Variants in AXIN1 observed in about 807,000 individuals in gnomAD.
The protein encoded by AXIN1 is axin 1.
A neutral mutation model predicts 76.4 loss-of-function variants in AXIN1; 30 were observed. That is an observed-to-expected ratio of 0.39 (90% CI 0.29 to 0.53). The LOEUF is 0.53. Among genes scored for constraint, AXIN1 ranks in the 20% least tolerant of loss-of-function variants. AXIN1 has a pLI of 0.66. For missense variants in AXIN1, 1,140 were observed against 1,198.8 expected (o/e 0.95, Z 0.72); for synonymous variants, 545 against 501.4 (o/e 1.09, Z -1.16).
At chr16:349,821 C>T (rs1394911402) in intron 1 of AXIN1, among the ~76,000 whole-genome samples, 1 of 152,200 alleles carries the variant, frequency 6.6e-6, no homozygotes, top group Non-Finnish European at 1.5e-5. Flanking sequence ...TATTTTGAGA[C>T]AGGGTCTCGC....
rs144248754 is a variant in AXIN1, at chr16:327,103, T to C, written c.879-12420A>G. On this transcript the variant is annotated intron_variant, in intron 2 of 10. Coordinates refer to ENST00000262320, the MANE Select transcript of AXIN1 (RefSeq NM_003502.4). ...CTTGCAGTGAGCCGAGATCGCACCA[T>C]TGCACTCCAACCTGGGCGACAGAGC... is the stretch of plus-strand genomic sequence containing the variant. Among the ~76,000 whole-genome samples the C allele has an allele frequency of 3.4e-3, 516 of 151,446 alleles. 13 individuals are homozygous for C. In the East Asian group the frequency reaches 0.085, roughly 25 times the overall value.
intron 1 of AXIN1, among the ~76,000 whole-genome samples, chr16:348,391 C>T (rs2054075022): frequency 6.6e-6 from 1 of 152,210 alleles, no homozygotes; most frequent in African/African-American, 2.4e-5. Context: ...GGATCTATCC[C>T]CCAGCCACCA....
At chr16:304,092 C>G (rs2052948832) in intron 5 of AXIN1, among the ~76,000 whole-genome samples, 1 of 152,214 alleles carries the variant, frequency 6.6e-6, no homozygotes, top group Non-Finnish European at 1.5e-5. Context: ...GTCTCTGGGC[C>G]TCTGAGGGTG....
At chr16:294,709 T>C (rs1482563112) in intron 7 of AXIN1, among the ~76,000 whole-genome samples, 1 of 127,632 alleles carries the variant, frequency 7.8e-6, no homozygotes, top group Non-Finnish European at 1.6e-5. Flanking sequence ...GCGTTGACAC[T>C]GGCCTGTTGC....
intron 2 of AXIN1, among the ~76,000 whole-genome samples, chr16:325,797 G>A (rs868444367): frequency 2.6e-4 from 40 of 152,136 alleles, no homozygotes; most frequent in African/African-American, 8.2e-4. Flanking sequence ...CGGGGCCTTC[G>A]GAAACACCAA....
chr16:290,168 C>T (rs995482444), intron 9 of AXIN1: 5 of 165,922 alleles, frequency 3.0e-5, no homozygotes, highest in South Asian at 1.6e-4. Context: ...GCCGGGATGA[C>T]GGGCGGGGCC....
intron 2 of AXIN1, among the ~76,000 whole-genome samples, chr16:318,026 T>TGCGTCTGTAGCCCACAGCACACGGC (rs1008547885): frequency 6.6e-6 from 1 of 152,050 alleles, no homozygotes; most frequent in Admixed American, 6.6e-5. Context: ...CGGCACTTGG[T>TGCGTCTGTAGCCCACAGCACACGGC]GCGTCTGTAG....
chr16:338,735 C>G (rs1002423909), intron 2 of AXIN1, among the ~76,000 whole-genome samples: 1 of 152,058 alleles, frequency 6.6e-6, no homozygotes, highest in Admixed American at 6.6e-5. Flanking sequence ...CCAGCCTGGC[C>G]AACATGGCGA....
At chr16:290,767 G>A in intron 9 of AXIN1, 2 of 350,766 alleles carry the variant, frequency 5.7e-6, no homozygotes, top group South Asian at 2.3e-5. Context: ...GCATGGCTGA[G>A]ACCCACACTG....
chr16:342,456 C>A (rs1027862329), intron 2 of AXIN1, among the ~76,000 whole-genome samples: 1 of 152,190 alleles, frequency 6.6e-6, no homozygotes, highest in Non-Finnish European at 1.5e-5. Context: ...AAGCTCCAGG[C>A]CCTGCTGTGG....
At chr16:300,634 G>A (rs2052844106) in intron 5 of AXIN1, among the ~76,000 whole-genome samples, 1 of 152,210 alleles carries the variant, frequency 6.6e-6, no homozygotes, top group Admixed American at 6.5e-5. Context: ...ACCTGCACTG[G>A]GGCTGAGGGT....
At chr16:326,394 T>TATATATATATATATATATATAC (rs144093618) in intron 2 of AXIN1, among the ~76,000 whole-genome samples, 1 of 119,660 alleles carries the variant, frequency 8.4e-6, no homozygotes. Context: ...TATATATATA[T>TATATATATATATATATATATAC]ACACACCTAT....
Position 293,573 on chromosome 16 carries a change from G to A in AXIN1, c.2101C>T (p.Pro701Ser), listed in dbSNP as rs1481927536. The A allele has an allele frequency of 6.2e-7, 1 of 1,612,348 alleles. No individual in the cohort carries two copies. The highest frequency in any genetic ancestry group is 1.7e-5 in the Admixed American group (1 of 59,996). Reference protein sequence around the residue: ...QDPTMPPHPAPNPLTQLEEAR... With the variant: ...QDPTMPPHPASNPLTQLEEAR... ...TCCTCCAGCTGGGTTAGGGGGTTGG[G>A]AGCTGGGTGGGGTGGCATGGTGGGG... is the stretch of plus-strand genomic sequence containing the variant. The change falls in exon 8 of 11, where the codon CCC becomes TCC. Residue 701 changes from proline to serine, a missense_variant. By Grantham distance (74) the Pro-to-Ser change is moderately conservative. This residue lies in a region of AXIN1 where 429 missense variants were observed against 405.8 expected (regional missense o/e 1.06). Coordinates refer to ENST00000262320, the MANE Select transcript of AXIN1 (RefSeq NM_003502.4). This position sits in a 1 kb window ranked among gnomAD's most constrained non-coding sequence, Gnocchi z 4.6.
intron 2 of AXIN1, among the ~76,000 whole-genome samples, chr16:322,391 A>T (rs1171183999): frequency 1.3e-5 from 2 of 152,230 alleles, no homozygotes; most frequent in South Asian, 2.1e-4. Context: ...CCCGCAGTGG[A>T]GTGTGCACCT....
chr16:297,067 C>T lies in AXIN1; in HGVS notation c.1944G>A (p.Arg648=), dbSNP rs762398171. 1.9e-6 allele frequency: 3 copies of T among 1,611,536 alleles called. No individual in the cohort carries two copies. The highest frequency in any genetic ancestry group is 3.3e-5 in the Admixed American group (2 of 60,026). ...EGEKEISRHR[R]TGHGSSGTRK... is the part of the protein sequence containing the mutation. ...TGCGGGGTGCTCACCCGTGGCCGGT[C>T]CTGCGGTGCCTGCTGATCTCCTTTT... The change falls in exon 7 of 11, where the codon AGG becomes AGA. Residue 648 remains arginine, a synonymous_variant. Transcript: ENST00000262320.
At position 287,456 on chromosome 16, in the gene AXIN1, T is replaced by G. The variant is rs2052409766; in HGVS notation, c.*666A>C. 2.3e-6 allele frequency: 1 copy of G among 430,354 alleles called. No individual in the cohort carries two copies. The highest frequency in any genetic ancestry group is 4.1e-6 in the Non-Finnish European group (1 of 241,390). The allele number at this position is 430,354 out of a possible 1,614,324, so 26.7% of individuals were successfully genotyped here. A position where few individuals can be genotyped will look rare whatever the true frequency, so the allele number is the denominator to read the frequency against. ...ACAGCCAGGGCAGGTTCAAAAACAG[T>G]TTTATTTCATTATTATCCAAGTACC... is the stretch of plus-strand genomic sequence containing the variant. On this transcript the variant is annotated 3_prime_UTR_variant, in exon 11 of 11. Transcript: ENST00000262320.
intron 2 of AXIN1, among the ~76,000 whole-genome samples, chr16:317,953 G>A (rs1159841029): frequency 6.6e-6 from 1 of 152,176 alleles, no homozygotes; most frequent in Non-Finnish European, 1.5e-5. Flanking sequence ...AAGAGAGAAG[G>A]CCACTGCCGC....
chr16:293,823 T>C lies in AXIN1; in HGVS notation c.1956-105A>G. Reference sequence around the variant, plus strand: ...AGGGCAGCCTCCTTGAGGGATAGGATGGGATGGGGCACTGGGGCCTGGCCA... The same window carrying C: ...AGGGCAGCCTCCTTGAGGGATAGGACGGGATGGGGCACTGGGGCCTGGCCA... On this transcript the variant is annotated intron_variant, in intron 7 of 10. Transcript: ENST00000262320. This position sits in a 1 kb window ranked among gnomAD's most constrained non-coding sequence, Gnocchi z 4.6. 2.6e-6 allele frequency: 3 copies of C among 1,141,706 alleles called. No individual in the cohort carries two copies. Among genetic ancestry groups the C allele is most frequent in the Non-Finnish European group, 3.9e-6 (3 of 765,020 alleles). 70.7% of individuals were successfully genotyped at this position (1,141,706 alleles called of 1,614,324 possible). A position where few individuals can be genotyped will look rare whatever the true frequency, so the allele number is the denominator to read the frequency against.
rs1402232333 is a variant in AXIN1 at position 293,299 on chromosome 16, C to T, written c.2186+189G>A. 2 of 633,972 alleles carry T rather than the reference C, an allele frequency of 3.2e-6. No homozygotes were observed. The highest frequency in any genetic ancestry group is 1.9e-5 in the South Asian group (1 of 51,522). 39.3% of individuals were successfully genotyped at this position (633,972 alleles called of 1,614,324 possible). A position where few individuals can be genotyped will look rare whatever the true frequency, so the allele number is the denominator to read the frequency against. The stretch of plus-strand genomic sequence containing the variant: ...GTGTGAAAGCTCCAGCCCCAGCCTC[C>T]GTCCACCGCAGGGTGGCCTGCCACG... On this transcript the variant is annotated intron_variant, in intron 8 of 10. Transcript: ENST00000262320. This position sits in a 1 kb window ranked among gnomAD's most constrained non-coding sequence, Gnocchi z 4.6.
Sources: allele counts gnomAD v4.1 joint callset (sites outside exome capture counted in the v4.1 genomes callset), GRCh38; gene constraint gnomAD v4.1.1; regional missense constraint gnomAD v4.1.1; non-coding constraint Gnocchi (gnomAD v3.1); transcripts MANE v1.5; gene names NCBI Gene and HGNC (gene_info 2026-07-23, HGNC 2026-07-21).